Variants in ATRNL1 observed in about 807,000 individuals in gnomAD.
ATRNL1 encodes the protein attractin-like protein 1.
ATRNL1 carries 95 observed loss-of-function variants against 182.7 expected under a neutral mutation model. That is an observed-to-expected ratio of 0.52 (90% CI 0.44 to 0.62). ATRNL1 has a LOEUF of 0.62. Ranked by LOEUF, ATRNL1 falls within the 20% of genes least tolerant of loss-of-function variation. The pLI is 0.00. For synonymous variants in ATRNL1, 576 were observed against 568.3 expected (o/e 1.01, Z -0.19); for missense variants, 1,471 against 1,679.5 (o/e 0.88, Z 2.17).
intron 26 of ATRNL1, among the ~76,000 whole-genome samples, chr10:115,599,527 G>A (rs535202557): frequency 7.2e-5 from 8 of 111,466 alleles, no homozygotes; most frequent in African/African-American, 3.1e-4. Flanking sequence ...AAGTAAACCC[G>A]GATTTTTTTT....
At chr10:115,782,428 AAAG>A in intron 27 of ATRNL1, among the ~76,000 whole-genome samples, 1 of 152,348 alleles carries the variant, frequency 6.6e-6, no homozygotes, top group South Asian at 2.1e-4. Flanking sequence ...ATTATGATGA[AAAG>A]AAAAAGTGTT....
intron 28 of ATRNL1, among the ~76,000 whole-genome samples, chr10:115,869,964 C>CTTTTT (rs150345069): frequency 2.8e-5 from 2 of 71,690 alleles, no homozygotes; most frequent in South Asian, 8.2e-4. Context: ...GTTCCCAGAC[C>CTTTTT]TTTTTTTTTT....
At chr10:115,267,319 G>A (rs1324620462) in intron 12 of ATRNL1, among the ~76,000 whole-genome samples, 1 of 151,064 alleles carries the variant, frequency 6.6e-6, no homozygotes, top group Non-Finnish European at 1.5e-5. Context: ...AAGAAGTGCT[G>A]TTAGATTCAA....
chr10:115,307,583 A>C (rs1241382455), intron 17 of ATRNL1, among the ~76,000 whole-genome samples: 6 of 151,882 alleles, frequency 4.0e-5, no homozygotes, highest in Non-Finnish European at 8.8e-5. Flanking sequence ...TTTATTATAC[A>C]CCCTGTGTGT....
At chr10:115,220,763 C>A in intron 9 of ATRNL1, among the ~76,000 whole-genome samples, 1 of 138,320 alleles carries the variant, frequency 7.2e-6, no homozygotes. Flanking sequence ...CCCGCATGGA[C>A]TAAAATAAGT....
intron 19 of ATRNL1, among the ~76,000 whole-genome samples, chr10:115,389,540 G>GTGTATGTATATATA (rs1279140127): frequency 2.2e-5 from 1 of 44,490 alleles, no homozygotes; most frequent in African/African-American, 7.6e-5. Flanking sequence ...ATGTGTATGT[G>GTGTATGTATATATA]TATATATATA....
intron 8 of ATRNL1, among the ~76,000 whole-genome samples, chr10:115,199,896 A>G (rs574478556): frequency 6.6e-6 from 1 of 152,316 alleles, no homozygotes; most frequent in Admixed American, 6.5e-5. Flanking sequence ...GCAAAGAGAC[A>G]TCTAGAAGTC....
At chr10:115,253,917 A>C (rs1216349307) in intron 10 of ATRNL1, among the ~76,000 whole-genome samples, 1 of 152,134 alleles carries the variant, frequency 6.6e-6, no homozygotes, top group Non-Finnish European at 1.5e-5. Flanking sequence ...TAGTTTGCTG[A>C]GAATGATGGT....
chr10:115,154,513 T>C (rs569857950), intron 5 of ATRNL1, among the ~76,000 whole-genome samples: 1 of 152,240 alleles, frequency 6.6e-6, no homozygotes, highest in South Asian at 2.1e-4. Flanking sequence ...TCTTTGTCTC[T>C]TTTGATCTTT....
intron 27 of ATRNL1, among the ~76,000 whole-genome samples, chr10:115,738,977 G>A (rs1010893007): frequency 1.3e-5 from 2 of 151,864 alleles, no homozygotes; most frequent in South Asian, 2.1e-4. Flanking sequence ...TATAATTATT[G>A]TATACATCCA....
chr10:115,389,576 ATATATATATATATATTTC>A (rs1843905492), intron 19 of ATRNL1, among the ~76,000 whole-genome samples: 1 of 111,920 alleles, frequency 8.9e-6, no homozygotes, highest in African/African-American at 3.3e-5. Flanking sequence ...ATATATATAT[ATATATATATATATATTTC>A]ATCCAATGAT....
At chr10:115,925,502 A>G (rs781990281) in intron 28 of ATRNL1, among the ~76,000 whole-genome samples, 1 of 152,164 alleles carries the variant, frequency 6.6e-6, no homozygotes, top group Non-Finnish European at 1.5e-5. Context: ...AGCGTGCTGT[A>G]TTCAGGAGAC....
intron 25 of ATRNL1, among the ~76,000 whole-genome samples, chr10:115,527,621 C>T (rs1339362814): frequency 2.6e-5 from 4 of 152,058 alleles, no homozygotes; most frequent in Non-Finnish European, 5.9e-5. Flanking sequence ...TTAATTTTTT[C>T]CTGACCTAGT....
intron 28 of ATRNL1, among the ~76,000 whole-genome samples, chr10:115,871,467 C>CCATATATATATATATATATA (rs1951578505): frequency 2.4e-4 from 4 of 16,576 alleles, no homozygotes; most frequent in Admixed American, 1.2e-3. Flanking sequence ...TGGTCAGATT[C>CCATATATATATATATATATA]TTTGTGTGTG....
chr10:115,713,287 T>C (rs1265890615), intron 26 of ATRNL1, among the ~76,000 whole-genome samples: 1 of 152,190 alleles, frequency 6.6e-6, no homozygotes, highest in Non-Finnish European at 1.5e-5. Context: ...GAACATCTTC[T>C]ATCTACCAGA....
chr10:115,935,101 G>A lies in ATRNL1; in HGVS notation c.4019-9557G>A, dbSNP rs117285533. ...ACGCCTCTATCTTTCTTTTCCTCAT[G>A]GCTTCTGCCTGCTTCATAGAGTTGG... On this transcript the variant is annotated intron_variant, in intron 28 of 28. Coordinates refer to ENST00000355044, the MANE Select transcript of ATRNL1 (RefSeq NM_207303.4). Among the ~76,000 whole-genome samples the A allele has an allele frequency of 1.8e-4, 28 of 152,140 alleles. No homozygotes were observed. In the East Asian group the frequency reaches 5.0e-3, roughly 27 times the overall value.
intron 26 of ATRNL1, among the ~76,000 whole-genome samples, chr10:115,566,834 G>A (rs1440359092): frequency 1.3e-5 from 2 of 152,132 alleles, no homozygotes; most frequent in Admixed American, 6.6e-5. Flanking sequence ...GGTTAGTAAA[G>A]GAGGCTAATT....
In ATRNL1 at chr10:115,726,856, T is replaced by G. The variant is rs541158128; in HGVS notation, c.3796-392T>G. ...TATCTTTTCTTAAATATTTTTACTGTTTTTTTTTTTTCTTTTTCAGCTAAG... is the reference window on the plus strand; with the variant it reads ...TATCTTTTCTTAAATATTTTTACTGGTTTTTTTTTTTCTTTTTCAGCTAAG... On this transcript the variant is annotated intron_variant, in intron 26 of 28. Coordinates refer to ENST00000355044, the MANE Select transcript of ATRNL1 (RefSeq NM_207303.4). Among the ~76,000 whole-genome samples the G allele has an allele frequency of 7.4e-3, 432 of 58,536 alleles. 6 individuals carry two copies. Among genetic ancestry groups the G allele is most frequent in the African/African-American group, 0.019 (403 of 21,216 alleles). 38.4% of individuals were successfully genotyped at this position (58,536 alleles called of 152,430 possible).
In ATRNL1 at chr10:115,583,659, A is replaced by G. The variant is rs550797528; in HGVS notation, c.3795+34123A>G. ...TTTAAGGAGATTTTGGGCTGAGACA[A>G]TGGGGTTTTCTAGATATACAATCAT... On this transcript the variant is annotated intron_variant, in intron 26 of 28. Coordinates refer to ENST00000355044, the MANE Select transcript of ATRNL1 (RefSeq NM_207303.4). Among the ~76,000 whole-genome samples the G allele has an allele frequency of 1.5e-3, 219 of 145,938 alleles. 1 individual carries two copies. Among genetic ancestry groups the G allele is most frequent in the African/African-American group, 4.7e-3 (194 of 40,972 alleles).
Sources: allele counts gnomAD v4.1 joint callset (sites outside exome capture counted in the v4.1 genomes callset), GRCh38; gene constraint gnomAD v4.1.1; transcripts MANE v1.5; gene names NCBI Gene and HGNC (gene_info 2026-07-23, HGNC 2026-07-21).